The following AXL variants were observed in gnomAD, a reference collection of about 807,000 sequenced individuals.
AXL encodes the protein tyrosine-protein kinase receptor UFO.
In AXL, 52 loss-of-function variants were observed where a neutral mutation model predicts 104.5. The observed-to-expected ratio is 0.50, with a 90% CI of 0.40 to 0.63. The LOEUF is 0.63. AXL is among the 20% of genes least tolerant of loss of function. The pLI is 0.00. For missense variants in AXL, 1,024 were observed against 1,188.5 expected, an observed-to-expected ratio of 0.86 and a Z score of 2.04; for synonymous variants, 455 against 473.7, an observed-to-expected ratio of 0.96 and a Z score of 0.51.
chr19:41,221,016 T>G (rs1355305664), intron 2 of AXL, 130 bp from the exon 3 acceptor site: 2 of 1,157,510 alleles, frequency 1.7e-6, no homozygotes, highest in Non-Finnish European at 2.4e-6. Context: ...GCAAAATGAG[T>G]TAATAATAGG....
At chr19:41,251,462 T>C (rs1162868718) in intron 14 of AXL, among the ~76,000 whole-genome samples, 1 of 151,362 alleles carries the variant, frequency 6.6e-6, no homozygotes, top group Non-Finnish European at 1.5e-5. Context: ...CTCGGGAGGC[T>C]GAGGTACGAG....
intron 6 of AXL, 148 bp downstream of exon 6, chr19:41,231,446 C>T (rs879079958): frequency 1.1e-5 from 8 of 723,002 alleles, no homozygotes; most frequent in Non-Finnish European, 1.8e-5. Flanking sequence ...GTCCTGGGTT[C>T]GAATCCTAGC....
At chr19:41,227,605 C>G (rs2033905896) in intron 4 of AXL, among the ~76,000 whole-genome samples, 1 of 151,894 alleles carries the variant, frequency 6.6e-6, no homozygotes, top group South Asian at 2.1e-4. Flanking sequence ...CGTGCCTCAG[C>G]CTCCCGAGTA....
intron 10 of AXL, among the ~76,000 whole-genome samples, chr19:41,241,949 C>T (rs1416255465): frequency 6.6e-6 from 1 of 152,174 alleles, no homozygotes; most frequent in Non-Finnish European, 1.5e-5. Flanking sequence ...CTTCATGCAC[C>T]ATCCTACACT....
At chr19:41,252,256 GTGAT>G in intron 14 of AXL, 91 bp from the exon 15 acceptor site, 1 of 1,021,892 alleles carries the variant, frequency 9.8e-7, no homozygotes, top group Non-Finnish European at 1.5e-6. Flanking sequence ...ATGAAGATGA[GTGAT>G]GATGATGATG....
chr19:41,254,376 C>CAAAAAAAA (rs34633761), intron 17 of AXL, among the ~76,000 whole-genome samples: 3 of 81,146 alleles, frequency 3.7e-5, no homozygotes, highest in African/African-American at 4.9e-5. Flanking sequence ...GACTCTGTCT[C>CAAAAAAAA]AAAAAAAAAA....
rs1480419550 is a variant in AXL at position 41,259,595 on chromosome 19, C to T, written c.2376C>T (p.Asp792=). 1 of 1,613,030 alleles carries T rather than the reference C, an allele frequency of 6.2e-7. No individual in the cohort carries two copies. The highest frequency in any genetic ancestry group is 8.5e-7 in the Non-Finnish European group (1 of 1,179,450). ...GGTGCTGGGAGCTAAATCCCCAGGA[C>T]CGGCCAAGTTTTACAGAGCTGCGGG... ...MSRCWELNPQ[D]RPSFTELRED... The change falls in exon 20 of 20, where the codon GAC becomes GAT. Residue 792 remains aspartate, a synonymous_variant. Transcript: ENST00000301178.
At position 41,239,583 on chromosome 19, in the gene AXL, T is replaced by TCGTGCCACACCCTCACTCCCTTACC. The variant is rs2034145088; in HGVS notation, c.1286-97_1286-73dup. On this transcript the variant is annotated intron_variant, in intron 9 of 19. Coordinates refer to ENST00000301178, the MANE Select transcript of AXL (RefSeq NM_021913.5). ...CCGTGCCAAACCTTCACTCCCTTAC[T>TCGTGCCACACCCTCACTCCCTTACC]CGTGCCACACCCTCACTCCCTTACC... is the stretch of plus-strand genomic sequence containing the variant. 3.1e-6 allele frequency: 4 copies of TCGTGCCACACCCTCACTCCCTTACC among 1,279,386 alleles called. No homozygotes were observed. The African/African-American group carries it at 7.2e-5, about 23-fold the overall frequency. The allele number at this position is 1,279,386 out of a possible 1,614,324, so 79.3% of individuals were successfully genotyped here.
intron 14 of AXL, among the ~76,000 whole-genome samples, chr19:41,249,449 T>C (rs1212296432): frequency 6.6e-6 from 1 of 151,272 alleles, no homozygotes; most frequent in Non-Finnish European, 1.5e-5. Context: ...AGTGAGACTT[T>C]GTCTTAAAAA....
chr19:41,243,729 C>T, intron 12 of AXL, 22 bp downstream of exon 12: 1 of 1,596,148 alleles, frequency 6.3e-7, no homozygotes, highest in Non-Finnish European at 8.6e-7. Flanking sequence ...CTATGCCCCA[C>T]TGCCCTGGCC....
chr19:41,244,486 CT>C (rs200418503), intron 12 of AXL, among the ~76,000 whole-genome samples: 65 of 144,394 alleles, frequency 4.5e-4, no homozygotes, highest in East Asian at 4.0e-4. Flanking sequence ...CTTTTTTTTT[CT>C]TTTTTTTTTT....
At chr19:41,235,154 C>T (rs2034056592) in intron 6 of AXL, among the ~76,000 whole-genome samples, 1 of 152,144 alleles carries the variant, frequency 6.6e-6, no homozygotes, top group Non-Finnish European at 1.5e-5. Context: ...GAGTTTGAGA[C>T]CAGCCTGACC....
At position 41,219,472 on chromosome 19, in the gene AXL, C is replaced by T. The variant is rs1000076660; in HGVS notation, c.80C>T (p.Pro27Leu). ...LALCGWACMAPRGTQAEESPF... is the reference protein window; with the variant it reads ...LALCGWACMALRGTQAEESPF... The stretch of plus-strand genomic sequence containing the variant: ...CTGTGCGGCTGGGCGTGCATGGCCC[C>T]CAGGGGTGAGTGATGGGGGCTCCTT... Residue 27 changes from proline to leucine, a missense_variant, in exon 1 of 20, where the codon CCC becomes CTC. Physicochemically the swap from Pro to Leu is moderately conservative, Grantham distance 98. Around this residue, in one of 5 missense-constraint regions of AXL, gnomAD observed 124 missense variants for 115.5 expected, o/e 1.07. Coordinates refer to ENST00000301178, the MANE Select transcript of AXL (RefSeq NM_021913.5). 4 of 1,603,666 alleles carry T rather than the reference C, an allele frequency of 2.5e-6. No individual in the cohort carries two copies. The African/African-American group carries it at 4.0e-5, about 16-fold the overall frequency.
chr19:41,253,737 C>CA (rs2034407832), intron 17 of AXL, 29 bp downstream of exon 17: 3 of 1,252,050 alleles, frequency 2.4e-6, no homozygotes, highest in Non-Finnish European at 2.3e-6. Context: ...CCCCCCCCCC[C>CA]CAACTGCTCC....
At chr19:41,243,868 CA>C (rs1174319778) in intron 12 of AXL, 161 bp downstream of exon 12, 4 of 610,954 alleles carry the variant, frequency 6.5e-6, no homozygotes, top group Non-Finnish European at 1.2e-5. Flanking sequence ...TTTGTGGAAC[CA>C]CAAAGAACTT....
intron 10 of AXL, among the ~76,000 whole-genome samples, chr19:41,241,442 G>C (rs1031287581): frequency 6.7e-6 from 1 of 150,228 alleles, no homozygotes; most frequent in African/African-American, 2.5e-5. Context: ...TGCTCGGGAG[G>C]CTGAGGCACA....
chr19:41,243,547 C>T, intron 11 of AXL, 69 bp from the exon 12 acceptor site: 2 of 1,230,676 alleles, frequency 1.6e-6, no homozygotes, highest in South Asian at 2.4e-5. Flanking sequence ...GGTGCTTGCT[C>T]AACTGCTGGT....
chr19:41,226,796 C>T, intron 4 of AXL: 1 of 985,624 alleles, frequency 1.0e-6, no homozygotes. Context: ...GTCGCACTTA[C>T]AAGACTTGGT....
At chr19:41,251,088 T>G (rs1435139492) in intron 14 of AXL, among the ~76,000 whole-genome samples, 1 of 152,188 alleles carries the variant, frequency 6.6e-6, no homozygotes, top group African/African-American at 2.4e-5. Context: ...ACCTCCAAGC[T>G]GTGTGTTCCC....
Sources: gnomAD v4.1 joint callset for allele counts (sites outside exome capture counted in the v4.1 genomes callset) on GRCh38, gnomAD v4.1.1 for gene constraint, gnomAD v4.1.1 regional missense constraint, MANE v1.5 for transcripts, NCBI Gene and HGNC (gene_info 2026-07-23, HGNC 2026-07-21) for gene names.